Variants in ADGRL2 observed in about 807,000 individuals in gnomAD.
ADGRL2 encodes adhesion G protein-coupled receptor L2.
ADGRL2 carries 44 observed loss-of-function variants against 157.4 expected under a neutral mutation model. That is an observed-to-expected ratio of 0.28 (90% CI 0.22 to 0.36). ADGRL2 has a LOEUF of 0.36. Among genes scored for constraint, ADGRL2 ranks in the 10% least tolerant of loss-of-function variants. The pLI is 1.00. For synonymous variants in ADGRL2, 585 were observed against 624.7 expected (o/e 0.94, Z 0.95); for missense variants, 1,510 against 1,768.9 (o/e 0.85, Z 2.63).
intron 2 of ADGRL2, among the ~76,000 whole-genome samples, chr1:81,565,713 A>G (rs1213469661): frequency 2.6e-5 from 4 of 152,192 alleles, no homozygotes; most frequent in Non-Finnish European, 5.9e-5. Flanking sequence ...TAAGAACTAC[A>G]TGGAGTGTAG....
chr1:81,616,674 C>CTTTTTTTT (rs1393879384), intron 3 of ADGRL2, among the ~76,000 whole-genome samples: 22 of 51,808 alleles, frequency 4.2e-4, no homozygotes, highest in East Asian at 2.0e-3. Context: ...CTTTTCTTTT[C>CTTTTTTTT]TTTTCTTTTT....
intron 1 of ADGRL2, among the ~76,000 whole-genome samples, chr1:81,831,150 A>G (rs2091917913): frequency 6.6e-6 from 1 of 152,162 alleles, no homozygotes; most frequent in South Asian, 2.1e-4. Flanking sequence ...TTGTTCCATG[A>G]CTATTAAAGA....
chr1:81,887,102 C>G (rs1302171525), intron 2 of ADGRL2, among the ~76,000 whole-genome samples: 2 of 152,148 alleles, frequency 1.3e-5, no homozygotes, highest in Non-Finnish European at 2.9e-5. Context: ...TAAATTCATA[C>G]ACTGATACTA....
At chr1:81,594,953 T>C (rs2081203182) in intron 3 of ADGRL2, among the ~76,000 whole-genome samples, 1 of 152,238 alleles carries the variant, frequency 6.6e-6, no homozygotes. Flanking sequence ...CACTGCATTG[T>C]GTCTATTTGA....
At chr1:81,767,435 C>T (rs571302605) in intron 2 of ADGRL2, among the ~76,000 whole-genome samples, 7 of 152,004 alleles carry the variant, frequency 4.6e-5, no homozygotes, top group East Asian at 1.9e-4. Context: ...TTTTACTTGT[C>T]GTAACTAGAA....
chr1:81,500,296 C>T (rs1463405070), intron 2 of ADGRL2, among the ~76,000 whole-genome samples: 1 of 152,168 alleles, frequency 6.6e-6, no homozygotes, highest in East Asian at 1.9e-4. Context: ...AATTCCCGTT[C>T]TCAGCATATA....
chr1:81,940,989 C>G (rs543121595), intron 4 of ADGRL2, among the ~76,000 whole-genome samples: 1 of 148,666 alleles, frequency 6.7e-6, no homozygotes, highest in Admixed American at 6.7e-5. Flanking sequence ...TTTATGAAAG[C>G]ATTTACTTTT....
chr1:81,348,312 A>T (rs1662627741), intron 1 of ADGRL2, among the ~76,000 whole-genome samples: 1 of 152,136 alleles, frequency 6.6e-6, no homozygotes, highest in Admixed American at 6.5e-5. Context: ...CACATCCCTG[A>T]TTTAATTCAG....
Position 81,322,125 on chromosome 1 carries a change from C to T in ADGRL2, c.-302+15616C>T, listed in dbSNP as rs190334929. On this transcript the variant is annotated intron_variant, in intron 1 of 24. Transcript: ENST00000370721. ...ATATATATATACACATATATATATACACACACACACGTACATATATATACA... is the reference window on the plus strand; with the variant it reads ...ATATATATATACACATATATATATATACACACACACGTACATATATATACA... 3.1e-3 allele frequency among the ~76,000 whole-genome samples: 368 copies of T among 119,140 alleles called. 2 individuals carry two copies. The highest frequency in any genetic ancestry group is 5.4e-3 in the African/African-American group (174 of 32,406). The allele number at this position is 119,140 out of a possible 152,430, so 78.2% of individuals were successfully genotyped here.
chr1:81,872,900 A>G (rs1445121770), intron 2 of ADGRL2, among the ~76,000 whole-genome samples: 4 of 152,156 alleles, frequency 2.6e-5, no homozygotes, highest in Admixed American at 2.0e-4. Context: ...AAAGTTAAAT[A>G]TGAATATCAG....
chr1:81,584,554 T>C (rs571204430), intron 3 of ADGRL2, among the ~76,000 whole-genome samples: 18 of 152,308 alleles, frequency 1.2e-4, no homozygotes, highest in African/African-American at 4.1e-4. Flanking sequence ...TTTTGTAAGA[T>C]GTAACAGAAT....
At chr1:81,625,129 C>T (rs998337092) in intron 3 of ADGRL2, among the ~76,000 whole-genome samples, 1 of 152,086 alleles carries the variant, frequency 6.6e-6, no homozygotes, top group Non-Finnish European at 1.5e-5. Context: ...AACCAAGACT[C>T]GGGAGAGTGA....
intron 6 of ADGRL2, among the ~76,000 whole-genome samples, chr1:81,947,130 A>G (rs1457260456): frequency 1.3e-5 from 2 of 152,208 alleles, no homozygotes; most frequent in Non-Finnish European, 2.9e-5. Flanking sequence ...AGTGCATGAT[A>G]CGGCATCCGG....
In ADGRL2 at chr1:81,943,429, A is replaced by G; in HGVS notation, c.870A>G (p.Ile290Met). The G allele has an allele frequency of 1.9e-6, 3 of 1,613,756 alleles. No homozygotes were observed. The highest frequency in any genetic ancestry group is 2.5e-6 in the Non-Finnish European group (3 of 1,179,756). ...CCACTGAACAGAACAATGGAATGATAGTTATTAGCCAGCTGAATCCATACA... is the reference window on the plus strand; with the variant it reads ...CCACTGAACAGAACAATGGAATGATGGTTATTAGCCAGCTGAATCCATACA... ...IYATEQNNGM[I>M]VISQLNPYTL... The change falls in exon 6 of 24, where the codon ATA becomes ATG. Residue 290 changes from isoleucine to methionine, a missense_variant. Transcript: ENST00000686636. The surrounding 1 kb of genome is among the most constrained non-coding windows in gnomAD (Gnocchi z 5.6).
At chr1:81,831,284 T>G (rs2150093632) in intron 1 of ADGRL2, among the ~76,000 whole-genome samples, 1 of 152,344 alleles carries the variant, frequency 6.6e-6, no homozygotes, top group Non-Finnish European at 1.5e-5. Flanking sequence ...ATTTAGGCAC[T>G]TTAGTAATAT....
At chr1:81,760,706 TG>T (rs1327011505) in intron 1 of ADGRL2, among the ~76,000 whole-genome samples, 1 of 137,760 alleles carries the variant, frequency 7.3e-6, no homozygotes, top group Non-Finnish European at 1.5e-5. Context: ...CTTCAGGAGC[TG>T]GTGCTTAAAA....
chr1:81,543,838 A>G (rs1412597545), intron 2 of ADGRL2, among the ~76,000 whole-genome samples: 3 of 152,120 alleles, frequency 2.0e-5, no homozygotes, highest in African/African-American at 7.2e-5. Context: ...AGTTTTTCTA[A>G]ACTCATCTCC....
upstream of ADGRL2, among the ~76,000 whole-genome samples, chr1:81,799,233 C>T (rs1437700892): frequency 1.3e-5 from 2 of 152,122 alleles, no homozygotes; most frequent in Non-Finnish European, 2.9e-5. Context: ...GTACTTTATC[C>T]AGACTAGTTT....
chr1:81,921,631 T>C (rs1017194527), intron 3 of ADGRL2, among the ~76,000 whole-genome samples: 4 of 152,214 alleles, frequency 2.6e-5, no homozygotes, highest in African/African-American at 9.6e-5. Flanking sequence ...TAACATTTTA[T>C]AGATTTTGAT....
Sources: allele counts gnomAD v4.1 joint callset (sites outside exome capture counted in the v4.1 genomes callset), GRCh38; gene constraint gnomAD v4.1.1; non-coding constraint Gnocchi (gnomAD v3.1); transcripts MANE v1.5; gene names NCBI Gene and HGNC (gene_info 2026-07-23, HGNC 2026-07-21).